The following ATG10 variants were observed in gnomAD, a reference collection of about 807,000 sequenced individuals.
The protein encoded by ATG10 is ubiquitin-like-conjugating enzyme ATG10.
In ATG10, 30 loss-of-function variants were observed where a neutral mutation model predicts 32.1. That is an observed-to-expected ratio of 0.94 (90% CI 0.70 to 1.27). The LOEUF (loss-of-function observed/expected upper bound fraction) is 1.27, where lower values mean the gene tolerates loss of function less well. Among genes scored for constraint, ATG10 ranks in the 50% most tolerant of loss-of-function variants. The probability of loss-of-function intolerance (pLI) is 0.00; values close to 1 mark genes in which losing one functional copy is unlikely to be tolerated. For synonymous variants in ATG10, 87 were observed against 91.5 expected, an observed-to-expected ratio of 0.95 and a Z score of 0.28; for missense variants, 233 against 262.3, an observed-to-expected ratio of 0.89 and a Z score of 0.77.
intron 3 of ATG10, among the ~76,000 whole-genome samples, chr5:82,115,819 C>A (rs901238900): frequency 1.3e-5 from 2 of 152,024 alleles, no homozygotes; most frequent in African/African-American, 4.8e-5. Context: ...TGGGATTTCA[C>A]TGGATTCAGA....
chr5:82,127,183 T>G (rs1766313586), intron 3 of ATG10, among the ~76,000 whole-genome samples: 1 of 152,158 alleles, frequency 6.6e-6, no homozygotes, highest in African/African-American at 2.4e-5. Flanking sequence ...TTCTTCTTTA[T>G]TATTCTGGCT....
intron 2 of ATG10, among the ~76,000 whole-genome samples, chr5:81,995,656 A>G (rs974087840): frequency 3.2e-4 from 49 of 152,196 alleles, no homozygotes; most frequent in African/African-American, 9.9e-4. Context: ...AAGTATTCAC[A>G]TAATTATATA....
At chr5:82,139,733 C>G (rs1405933250) in intron 3 of ATG10, among the ~76,000 whole-genome samples, 1 of 138,476 alleles carries the variant, frequency 7.2e-6, no homozygotes, top group African/African-American at 2.7e-5. Flanking sequence ...GCCCCCTGCC[C>G]GGCCAGCCGC....
chr5:82,107,110 A>G (rs1765467287), intron 3 of ATG10, among the ~76,000 whole-genome samples: 2 of 152,068 alleles, frequency 1.3e-5, no homozygotes, highest in Non-Finnish European at 2.9e-5. Flanking sequence ...TATGTTCCTA[A>G]TCAATTTTAA....
At chr5:82,058,721 C>G (rs891569754) in intron 3 of ATG10, 119 bp downstream of exon 3, 6 of 597,554 alleles carry the variant, frequency 1.0e-5, no homozygotes, top group African/African-American at 1.9e-5. Context: ...ATATGGCACT[C>G]ATATTGAAAT....
intron 3 of ATG10, among the ~76,000 whole-genome samples, chr5:82,084,124 G>C (rs1764582922): frequency 6.6e-6 from 1 of 152,180 alleles, no homozygotes; most frequent in African/African-American, 2.4e-5. Flanking sequence ...AAACAGTGTA[G>C]AGAAATCCTT....
intron 1 of ATG10, among the ~76,000 whole-genome samples, chr5:81,984,231 C>T (rs989966385): frequency 6.6e-6 from 1 of 152,258 alleles, no homozygotes; most frequent in African/African-American, 2.4e-5. Context: ...TGGAGACCAG[C>T]CCGGCCAACA....
chr5:82,132,055 C>T (rs1344089095), intron 3 of ATG10, among the ~76,000 whole-genome samples: 1 of 152,094 alleles, frequency 6.6e-6, no homozygotes, highest in Non-Finnish European at 1.5e-5. Flanking sequence ...CATGAGGGAT[C>T]TGTGCCCATG....
intron 1 of ATG10, among the ~76,000 whole-genome samples, chr5:81,980,781 C>T (rs541365903): frequency 4.4e-4 from 67 of 152,134 alleles, no homozygotes; most frequent in Non-Finnish European, 7.8e-4. Flanking sequence ...CCACATCTGG[C>T]CATGCACACT....
chr5:82,035,300 G>A (rs1762883177), intron 2 of ATG10, among the ~76,000 whole-genome samples: 1 of 152,234 alleles, frequency 6.6e-6, no homozygotes, highest in South Asian at 2.1e-4. Flanking sequence ...ACTCTACCCT[G>A]CCCTCCAGAA....
intron 2 of ATG10, among the ~76,000 whole-genome samples, chr5:82,003,621 T>C (rs1761910110): frequency 1.3e-5 from 2 of 152,210 alleles, no homozygotes; most frequent in South Asian, 2.1e-4. Context: ...TAAAAAACCA[T>C]GTATTCATAA....
In ATG10 at chr5:82,115,302, T is replaced by C. The variant is rs147403668; in HGVS notation, c.217-49097T>C. Among the ~76,000 whole-genome samples, 2 of 152,180 alleles carry C rather than the reference T, an allele frequency of 1.3e-5. 1 individual carries two copies. The highest frequency in any genetic ancestry group is 3.9e-4 in the East Asian group (2 of 5,184). On this transcript the variant is annotated intron_variant, in intron 3 of 7. Transcript: ENST00000282185. ...GTGTGATATCAATAGATTTATATTA[T>C]TAAAGTACAACAGTGATGTTTTCAG...
At chr5:82,011,706 T>C (rs1045736766) in intron 2 of ATG10, among the ~76,000 whole-genome samples, 9 of 152,174 alleles carry the variant, frequency 5.9e-5, no homozygotes, top group African/African-American at 2.2e-4. Flanking sequence ...TCTGTGTGGG[T>C]TGGGGAGCAC....
At chr5:82,180,099 C>G (rs1031659765) in intron 5 of ATG10, among the ~76,000 whole-genome samples, 1 of 152,098 alleles carries the variant, frequency 6.6e-6, no homozygotes, top group Non-Finnish European at 1.5e-5. Flanking sequence ...CTTACCTGTG[C>G]TCAAACCTGC....
intron 3 of ATG10, among the ~76,000 whole-genome samples, chr5:82,077,198 C>T (rs969610346): frequency 6.6e-6 from 1 of 152,144 alleles, no homozygotes; most frequent in Non-Finnish European, 1.5e-5. Flanking sequence ...TGGCGTACGC[C>T]TGTAGTCCCA....
At chr5:82,160,434 A>G (rs1223353590) in intron 3 of ATG10, among the ~76,000 whole-genome samples, 1 of 152,142 alleles carries the variant, frequency 6.6e-6, no homozygotes, top group Non-Finnish European at 1.5e-5. Context: ...AGGACACCTC[A>G]TTGTTTCAAT....
At chr5:82,042,114 A>T (rs1008128480) in intron 2 of ATG10, among the ~76,000 whole-genome samples, 2 of 152,194 alleles carry the variant, frequency 1.3e-5, no homozygotes, top group Non-Finnish European at 2.9e-5. Context: ...TGGGTAATTT[A>T]TAAAGAAAAG....
chr5:82,025,006 G>A (rs571725091), intron 2 of ATG10, among the ~76,000 whole-genome samples: 3 of 152,288 alleles, frequency 2.0e-5, no homozygotes, highest in African/African-American at 7.2e-5. Flanking sequence ...CTTTTTGAAA[G>A]GTAATGTAAG....
chr5:82,086,482 C>G lies in ATG10; in HGVS notation c.216+27880C>G, dbSNP rs377692446. 2.4e-4 allele frequency among the ~76,000 whole-genome samples: 37 copies of G among 152,298 alleles called. 1 individual carries two copies. The highest frequency in any genetic ancestry group is 1.4e-3 in the East Asian group (7 of 5,182). On this transcript the variant is annotated intron_variant, in intron 3 of 7. Coordinates refer to ENST00000282185, the MANE Select transcript of ATG10 (RefSeq NM_031482.5). Reference sequence around the variant, plus strand: ...TAGTTGGGACTGACAGGGCATCTCTCTTTCTCTCTACCCCTACATGGCCTC... The same window carrying G: ...TAGTTGGGACTGACAGGGCATCTCTGTTTCTCTCTACCCCTACATGGCCTC...
Sources: allele counts gnomAD v4.1 joint callset (sites outside exome capture counted in the v4.1 genomes callset), GRCh38; gene constraint gnomAD v4.1.1; transcripts MANE v1.5; gene names NCBI Gene and HGNC (gene_info 2026-07-23, HGNC 2026-07-21).